Variants in DLG3 observed in about 807,000 individuals in gnomAD.
DLG3 encodes disks large homolog 3.
In DLG3, 1 loss-of-function variant was observed where a neutral mutation model predicts 64.1. The observed-to-expected ratio is 0.02, with a 90% CI of 0.01 to 0.07. DLG3 has a LOEUF of 0.07. Among genes scored for constraint, DLG3 ranks in the 10% least tolerant of loss-of-function variants. The pLI is 1.00. For synonymous variants in DLG3, 245 were observed against 259.8 expected, an observed-to-expected ratio of 0.94 and a Z score of 0.55; for missense variants, 429 against 669.5, an observed-to-expected ratio of 0.64 and a Z score of 3.96.
At chrX:70,487,077 C>G (rs761485114) in intron 10 of DLG3, among the ~76,000 whole-genome samples, 1 of 112,107 alleles carries the variant, frequency 8.9e-6, no homozygotes, top group African/African-American at 3.2e-5. Context: ...TTTGGTTACA[C>G]GAAATATATC....
At chrX:70,460,282 C>CAA (rs1221573255) in intron 9 of DLG3, among the ~76,000 whole-genome samples, 69 of 38,082 alleles carry the variant, frequency 1.8e-3, no homozygotes, top group East Asian at 4.5e-3. Context: ...GACTCTGTCT[C>CAA]AAAAAAAAAA....
At chrX:70,477,501 A>G (rs1056341669) in intron 9 of DLG3, among the ~76,000 whole-genome samples, 5 of 111,702 alleles carry the variant, frequency 4.5e-5, no homozygotes, top group African/African-American at 1.3e-4. Context: ...GTTATGCTCT[A>G]GGACAGTCCA....
At chrX:70,502,096 AGGATTGCTGGGTTTGGG>A in intron 18 of DLG3, 50 bp from the exon 19 acceptor site, 1 of 824,136 alleles carries the variant, frequency 1.2e-6, no homozygotes. Flanking sequence ...TGGGAGAGGC[AGGATTGCTGGGTTTGGG>A]GGATGTGCTA....
chrX:70,488,159 G>A (rs1180747992), intron 10 of DLG3, among the ~76,000 whole-genome samples: 1 of 109,926 alleles, frequency 9.1e-6, no homozygotes, highest in Admixed American at 9.8e-5. Flanking sequence ...CTACAGGCAT[G>A]CACCACCACG....
At position 70,445,276 on chromosome X, in the gene DLG3, C is replaced by A; in HGVS notation, c.75C>A (p.Leu25=). 4 of 1,164,803 alleles carry A rather than the reference C, an allele frequency of 3.4e-6. No homozygotes were observed. Among genetic ancestry groups the A allele is most frequent in the African/African-American group, 1.8e-5 (1 of 56,619 alleles). Residue 25 remains leucine (L), a synonymous_variant, in exon 1 of 19, where the codon CTC becomes CTA. Coordinates refer to ENST00000374360, the MANE Select transcript of DLG3 (RefSeq NM_021120.4). ...CCCGCCTGGCCGCCCTGCGGCGCCT[C>A]GAGCCTCCGGGCTACGGCGACTGGC... ...EVTRLAALRR[L]EPPGYGDWQV...
In DLG3 at chrX:70,493,737, A is replaced by T. The variant is rs140732293; in HGVS notation, c.1773+1141A>T. Among the ~76,000 whole-genome samples, 913 of 113,034 alleles carry T rather than the reference A, an allele frequency of 8.1e-3. 6 individuals are homozygous for T. Among genetic ancestry groups the T allele is most frequent in the African/African-American group, 0.028 (871 of 31,158 alleles). ...CTGGTCCCAGGGTCAGCCTCCAGGA[A>T]GTGCCTGGCACTAGCAGTGGAAGTG... On this transcript the variant is annotated intron_variant, in intron 12 of 18. Transcript: ENST00000374360.
intron 9 of DLG3, among the ~76,000 whole-genome samples, chrX:70,459,126 C>T (rs190637824): frequency 2.7e-3 from 297 of 111,742 alleles, no homozygotes; most frequent in Non-Finnish European, 4.8e-3. Context: ...AGAGTAGAAA[C>T]TGATCTCAAA....
At chrX:70,455,183 G>C (rs2086682783) in intron 9 of DLG3, 1 of 751,723 alleles carries the variant, frequency 1.3e-6, no homozygotes, top group South Asian at 6.8e-5. Flanking sequence ...CTTTGTGTCC[G>C]TGGTCTCCCG....
intron 16 of DLG3, 77 bp downstream of exon 16, chrX:70,500,126 A>G: frequency 2.1e-6 from 2 of 964,467 alleles, no homozygotes; most frequent in Non-Finnish European, 1.5e-6. Context: ...TATCCTTCCA[A>G]CACAGGAGCT....
chrX:70,497,249 G>A (rs752733867), intron 13 of DLG3: 71 of 1,192,892 alleles, frequency 6.0e-5, no homozygotes, highest in Non-Finnish European at 7.4e-5. Flanking sequence ...CTTCCATGTC[G>A]TGTAGCTCCA....
intron 12 of DLG3, 124 bp downstream of exon 12, chrX:70,492,720 C>G: frequency 1.6e-6 from 1 of 639,493 alleles, no homozygotes; most frequent in Non-Finnish European, 2.5e-6. Flanking sequence ...GGGGCTGGCT[C>G]TGTCCTATCA....
intron 10 of DLG3, among the ~76,000 whole-genome samples, chrX:70,480,909 C>T (rs1351629586): frequency 8.9e-6 from 1 of 112,185 alleles, no homozygotes; most frequent in Admixed American, 9.4e-5. Flanking sequence ...TTCCCTGGCT[C>T]AGGCAAGGGA....
At chrX:70,463,366 C>T (rs769277918) in intron 9 of DLG3, among the ~76,000 whole-genome samples, 25 of 110,427 alleles carry the variant, frequency 2.3e-4, no homozygotes, top group African/African-American at 8.2e-4. Context: ...AGGCTGGTCT[C>T]GAACTCCTGT....
intron 7 of DLG3, 32 bp from the exon 8 acceptor site, chrX:70,453,605 T>A (rs370369035): frequency 8.6e-5 from 103 of 1,202,337 alleles, no homozygotes; most frequent in Non-Finnish European, 1.1e-4. Flanking sequence ...CATATCTACC[T>A]AGTCCTGACT....
intron 9 of DLG3, among the ~76,000 whole-genome samples, chrX:70,458,134 C>A (rs750468569): frequency 3.6e-5 from 4 of 110,799 alleles, no homozygotes; most frequent in African/African-American, 1.3e-4. Context: ...CCTTGGCCTC[C>A]CAAAGTGCTG....
intron 18 of DLG3, 60 bp from the exon 19 acceptor site, chrX:70,502,103 C>A: frequency 1.1e-6 from 1 of 902,571 alleles, no homozygotes; most frequent in Non-Finnish European, 1.6e-6. Flanking sequence ...GGCAGGATTG[C>A]TGGGTTTGGG....
intron 10 of DLG3, among the ~76,000 whole-genome samples, chrX:70,484,429 G>A (rs1308552404): frequency 8.9e-6 from 1 of 112,319 alleles, no homozygotes; most frequent in African/African-American, 3.2e-5. Context: ...TGCCCAGGGT[G>A]GTGCTTGGTG....
chrX:70,451,320 C>G (rs780016704), intron 6 of DLG3, among the ~76,000 whole-genome samples: 1 of 111,235 alleles, frequency 9.0e-6, no homozygotes, highest in South Asian at 3.8e-4. Flanking sequence ...CAAGGATGGT[C>G]TCGATCTCCT....
intron 9 of DLG3, chrX:70,455,928 G>A (rs2086699827): frequency 9.0e-6 from 1 of 111,045 alleles, no homozygotes; most frequent in South Asian, 3.8e-4. Flanking sequence ...AAGCCGAAAG[G>A]GATGGAAAGC....
Sources: gnomAD v4.1 joint callset for allele counts (sites outside exome capture counted in the v4.1 genomes callset) on GRCh38, gnomAD v4.1.1 for gene constraint, MANE v1.5 for transcripts, NCBI Gene and HGNC (gene_info 2026-07-23, HGNC 2026-07-21) for gene names.